The following CNTNAP2 variants were observed in gnomAD, a reference collection of about 807,000 sequenced individuals.
The protein encoded by CNTNAP2 is contactin associated protein 2.
Under a neutral mutation model 155.2 loss-of-function variants are expected in CNTNAP2, and 98 were observed. That is an observed-to-expected ratio of 0.63 (90% CI 0.54 to 0.75). The LOEUF is 0.75. CNTNAP2 is among the 30% of genes least tolerant of loss of function. The probability of loss-of-function intolerance (pLI) is 0.00; values close to 1 mark genes in which losing one functional copy is unlikely to be tolerated. For synonymous variants in CNTNAP2, 651 were observed against 631.2 expected, an observed-to-expected ratio of 1.03 and a Z score of -0.47; for missense variants, 1,727 against 1,688.1, an observed-to-expected ratio of 1.02 and a Z score of -0.40.
intron 8 of CNTNAP2, among the ~76,000 whole-genome samples, chr7:147,225,670 T>G (rs1298258496): frequency 6.6e-6 from 1 of 152,020 alleles, no homozygotes; most frequent in Non-Finnish European, 1.5e-5. Flanking sequence ...GTTTTACACC[T>G]GCATACTCTT....
chr7:147,402,527 C>T (rs1318881573), intron 10 of CNTNAP2, among the ~76,000 whole-genome samples: 1 of 152,168 alleles, frequency 6.6e-6, no homozygotes, highest in South Asian at 2.1e-4. Flanking sequence ...TCTGGAGAAA[C>T]CCCTCAGTTC....
At chr7:147,614,858 CCTTTT>C (rs1465866704) in intron 12 of CNTNAP2, among the ~76,000 whole-genome samples, 3 of 151,550 alleles carry the variant, frequency 2.0e-5, no homozygotes, top group Admixed American at 1.3e-4. Context: ...ATTTCTGGTG[CCTTTT>C]CTTAATGTAC....
At chr7:146,522,962 T>C (rs966431100) in intron 1 of CNTNAP2, among the ~76,000 whole-genome samples, 1 of 151,850 alleles carries the variant, frequency 6.6e-6, no homozygotes, top group Non-Finnish European at 1.5e-5. Context: ...TAGAATGATA[T>C]CTATTATTTT....
At chr7:146,203,478 G>A (rs1411760410) in intron 1 of CNTNAP2, among the ~76,000 whole-genome samples, 5 of 152,184 alleles carry the variant, frequency 3.3e-5, no homozygotes, top group Non-Finnish European at 7.4e-5. Flanking sequence ...AAGGGGATGA[G>A]TGTGGCAGTG....
At chr7:146,132,170 C>A (rs536361275) in intron 1 of CNTNAP2, among the ~76,000 whole-genome samples, 5 of 152,232 alleles carry the variant, frequency 3.3e-5, no homozygotes, top group Non-Finnish European at 5.9e-5. Context: ...AAAATACGTT[C>A]TTTACAGATG....
At chr7:147,780,466 A>T (rs1218080072) in intron 13 of CNTNAP2, among the ~76,000 whole-genome samples, 1 of 152,180 alleles carries the variant, frequency 6.6e-6, no homozygotes, top group East Asian at 1.9e-4. Context: ...ACCTCTACAG[A>T]TCTACATCTA....
chr7:146,742,379 G>A (rs1373936473), intron 1 of CNTNAP2, among the ~76,000 whole-genome samples: 5 of 152,108 alleles, frequency 3.3e-5, no homozygotes, highest in Non-Finnish European at 5.9e-5. Flanking sequence ...ACTCACGGAA[G>A]AATAGGCAAG....
At chr7:146,708,887 C>CA (rs1015449256) in intron 1 of CNTNAP2, among the ~76,000 whole-genome samples, 14 of 149,842 alleles carry the variant, frequency 9.3e-5, no homozygotes, top group African/African-American at 1.5e-4. Flanking sequence ...TGCGCCTGGC[C>CA]AAAAAAAAGT....
chr7:147,243,696 G>A (rs1338030854), intron 8 of CNTNAP2, among the ~76,000 whole-genome samples: 1 of 152,142 alleles, frequency 6.6e-6, no homozygotes, highest in East Asian at 1.9e-4. Context: ...GTTAGGTGAA[G>A]CTCACTGACT....
intron 1 of CNTNAP2, among the ~76,000 whole-genome samples, chr7:146,228,247 A>G (rs1384837736): frequency 6.6e-6 from 1 of 152,220 alleles, no homozygotes; most frequent in Non-Finnish European, 1.5e-5. Context: ...TTTGTTTAGT[A>G]GTAAACACTT....
intron 15 of CNTNAP2, among the ~76,000 whole-genome samples, chr7:148,066,825 G>A (rs1803275547): frequency 6.6e-6 from 1 of 151,922 alleles, no homozygotes. Flanking sequence ...TGTCTTTGTT[G>A]GATTGGGTTA....
chr7:148,199,983 A>G (rs1347860791), intron 18 of CNTNAP2, among the ~76,000 whole-genome samples: 1 of 152,218 alleles, frequency 6.6e-6, no homozygotes, highest in Non-Finnish European at 1.5e-5. Flanking sequence ...CTGAGGGCAG[A>G]AGAAGACGGA....
rs533961815 is a variant in CNTNAP2, at chr7:147,411,344, T to G, written c.1670+15564T>G. Among the ~76,000 whole-genome samples the G allele has an allele frequency of 9.4e-4, 143 of 152,352 alleles. 1 individual carries two copies. Among genetic ancestry groups the G allele is most frequent in the African/African-American group, 3.4e-3 (142 of 41,582 alleles). Reference sequence around the variant, plus strand: ...CAAAGATTAATTTTTTCTAGTAAAGTATCTGTCAGTTACACAACTGTGTAT... The same window carrying G: ...CAAAGATTAATTTTTTCTAGTAAAGGATCTGTCAGTTACACAACTGTGTAT... On this transcript the variant is annotated intron_variant, in intron 10 of 23. Transcript: ENST00000361727.
chr7:146,191,240 A>G (rs1031817432), intron 1 of CNTNAP2, among the ~76,000 whole-genome samples: 1 of 152,046 alleles, frequency 6.6e-6, no homozygotes, highest in Non-Finnish European at 1.5e-5. Flanking sequence ...TCCAGGGGGG[A>G]CATCATATGT....
intron 3 of CNTNAP2, among the ~76,000 whole-genome samples, chr7:146,963,693 A>G (rs998114638): frequency 6.6e-6 from 1 of 152,182 alleles, no homozygotes; most frequent in African/African-American, 2.4e-5. Context: ...ACAAAATTTC[A>G]TAGTGTTGAA....
chr7:147,361,520 T>G (rs1192557041), intron 9 of CNTNAP2, among the ~76,000 whole-genome samples: 2 of 152,186 alleles, frequency 1.3e-5, no homozygotes, highest in African/African-American at 4.8e-5. Flanking sequence ...ATCTTCTCAC[T>G]AATAATAAAG....
chr7:146,334,718 G>GT (rs1801246329), intron 1 of CNTNAP2, among the ~76,000 whole-genome samples: 1 of 152,140 alleles, frequency 6.6e-6, no homozygotes, highest in Non-Finnish European at 1.5e-5. Context: ...TCCTCTGCAA[G>GT]TGTAATGAAG....
chr7:147,426,172 G>A (rs765072607), intron 10 of CNTNAP2, among the ~76,000 whole-genome samples: 17 of 150,972 alleles, frequency 1.1e-4, no homozygotes, highest in African/African-American at 4.2e-4. Context: ...CTTTAAGCTG[G>A]CCAAATGTGC....
At chr7:147,115,772 G>C (rs1487184454) in intron 5 of CNTNAP2, among the ~76,000 whole-genome samples, 2 of 152,096 alleles carry the variant, frequency 1.3e-5, no homozygotes, top group African/African-American at 4.8e-5. Context: ...TTACTTCAGT[G>C]AAGTTTGTTA....
Sources: allele counts gnomAD v4.1 joint callset (sites outside exome capture counted in the v4.1 genomes callset), GRCh38; gene constraint gnomAD v4.1.1; transcripts MANE v1.5; gene names NCBI Gene and HGNC (gene_info 2026-07-23, HGNC 2026-07-21).